Variants in PAK2 observed in about 807,000 individuals in gnomAD.
The protein encoded by PAK2 is p21 (RAC1) activated kinase 2, also known as serine/threonine-protein kinase PAK 2.
PAK2 carries 21 observed loss-of-function variants against 65.9 expected under a neutral mutation model. The observed-to-expected ratio is 0.32, with a 90% confidence interval of 0.23 to 0.46. The LOEUF (loss-of-function observed/expected upper bound fraction) is 0.46, where lower values mean the gene tolerates loss of function less well. PAK2 is among the 20% of genes least tolerant of loss of function. PAK2 has a pLI of 1.00. For missense variants in PAK2, 324 were observed against 642.6 expected (o/e 0.50, Z 5.36); for synonymous variants, 204 against 219.7 (o/e 0.93, Z 0.63).
intron 2 of PAK2, among the ~76,000 whole-genome samples, chr3:196,799,285 T>A (rs1163654273): frequency 6.6e-6 from 1 of 152,178 alleles, no homozygotes; most frequent in African/African-American, 2.4e-5. Flanking sequence ...AAAACTGCCA[T>A]TTGCAATAGT....
At chr3:196,743,020 A>G (rs374487228) in intron 1 of PAK2, among the ~76,000 whole-genome samples, 4 of 152,250 alleles carry the variant, frequency 2.6e-5, no homozygotes, top group African/African-American at 9.6e-5. Flanking sequence ...CAGACTAATC[A>G]GAGGGAGGGT....
intron 1 of PAK2, among the ~76,000 whole-genome samples, chr3:196,773,234 T>C (rs1360629221): frequency 6.6e-6 from 1 of 152,238 alleles, no homozygotes; most frequent in Non-Finnish European, 1.5e-5. Flanking sequence ...TGAACAGATT[T>C]AGAGAGAGGC....
rs1304836290 is a variant in PAK2, at chr3:196,745,989, T to C, written c.-22+5832T>C. Among the ~76,000 whole-genome samples the C allele has an allele frequency of 2.6e-5, 4 of 152,040 alleles. No homozygotes were observed. The East Asian group carries it at 7.7e-4, about 29-fold the overall frequency. On this transcript the variant is annotated intron_variant, in intron 1 of 14. Coordinates refer to ENST00000327134, the MANE Select transcript of PAK2 (RefSeq NM_002577.4). The stretch of plus-strand genomic sequence containing the variant: ...ATGGTTACAATATTTAACCTTTTTT[T>C]TTTTTCTTTTTCTTTCTTTTTTAAA...
chr3:196,742,080 C>G (rs1042519850), intron 1 of PAK2, among the ~76,000 whole-genome samples: 1 of 149,630 alleles, frequency 6.7e-6, no homozygotes, highest in Non-Finnish European at 1.5e-5. Context: ...CAAGTAGATG[C>G]GGTTAACAAT....
chr3:196,821,218 A>G (rs1007788904), intron 13 of PAK2, among the ~76,000 whole-genome samples: 5 of 152,098 alleles, frequency 3.3e-5, no homozygotes, highest in South Asian at 2.1e-4. Context: ...AACCTCAACA[A>G]TCAGAGGCTG....
At chr3:196,792,882 C>A (rs921421602) in intron 2 of PAK2, among the ~76,000 whole-genome samples, 9 of 152,118 alleles carry the variant, frequency 5.9e-5, no homozygotes, top group Admixed American at 5.9e-4. Context: ...GGCTTCAGTA[C>A]ACATTTGGAA....
At chr3:196,804,277 C>CT (rs1560110079) in intron 4 of PAK2, among the ~76,000 whole-genome samples, 1 of 152,066 alleles carries the variant, frequency 6.6e-6, no homozygotes, top group Non-Finnish European at 1.5e-5. Flanking sequence ...TGATCTTGAC[C>CT]TTTTTTTGTT....
At chr3:196,799,977 G>A (rs1396452266) in intron 2 of PAK2, among the ~76,000 whole-genome samples, 1 of 152,172 alleles carries the variant, frequency 6.6e-6, no homozygotes, top group Non-Finnish European at 1.5e-5. Flanking sequence ...CGTACCGAAC[G>A]GATGAAGACA....
At chr3:196,778,792 T>C (rs34041791) in intron 1 of PAK2, among the ~76,000 whole-genome samples, 21,017 of 152,122 alleles carry the variant, frequency 0.14, 1,672 homozygotes, top group Admixed American at 0.19. Context: ...CTTGACAGTT[T>C]GGAGGAATGT....
chr3:196,773,035 A>G (rs1030201192), intron 1 of PAK2, among the ~76,000 whole-genome samples: 12 of 152,334 alleles, frequency 7.9e-5, no homozygotes, highest in Non-Finnish European at 1.6e-4. Context: ...GGTTCCAGAT[A>G]CCACTCCGCT....
chr3:196,820,976 A>G lies in PAK2; in HGVS notation c.1350+409A>G, dbSNP rs1182571926. ...TACTTCAGCCTCCTGAGTAGCTGGG[A>G]CTATGGGTGCGTGCCACCACACCCA... On this transcript the variant is annotated intron_variant, in intron 13 of 14. Transcript: ENST00000327134. The surrounding 1 kb of genome is among the most constrained non-coding windows in gnomAD (Gnocchi z 4.6). 6.6e-6 allele frequency among the ~76,000 whole-genome samples: 1 copy of G among 152,014 alleles called. No individual in the cohort carries two copies. The highest frequency in any genetic ancestry group is 1.5e-5 in the Non-Finnish European group (1 of 68,006).
intron 6 of PAK2, among the ~76,000 whole-genome samples, chr3:196,807,569 C>G (rs1401163986): frequency 2.0e-5 from 3 of 152,116 alleles, no homozygotes; most frequent in Non-Finnish European, 4.4e-5. Flanking sequence ...GACAGCTTTT[C>G]AAATATATTC....
intron 1 of PAK2, among the ~76,000 whole-genome samples, chr3:196,740,829 C>T (rs563732078): frequency 9.2e-5 from 14 of 152,094 alleles, no homozygotes; most frequent in Admixed American, 2.6e-4. Context: ...ATTGGTTTTT[C>T]ACCATGTTTG....
intron 1 of PAK2, among the ~76,000 whole-genome samples, chr3:196,757,381 A>G (rs763027190): frequency 1.3e-5 from 2 of 152,234 alleles, no homozygotes; most frequent in Non-Finnish European, 2.9e-5. Context: ...TCTAGAACTC[A>G]CTGTATCCAA....
At chr3:196,805,574 C>T (rs1050373009) in intron 5 of PAK2, among the ~76,000 whole-genome samples, 191 bp downstream of exon 5, 1 of 152,110 alleles carries the variant, frequency 6.6e-6, no homozygotes, top group Non-Finnish European at 1.5e-5. Flanking sequence ...TGATGTGATA[C>T]TTAATGTAAC....
chr3:196,746,830 A>T (rs77211306), intron 1 of PAK2, among the ~76,000 whole-genome samples: 626 of 37,520 alleles, frequency 0.017, 5 homozygotes, highest in African/African-American at 0.066. Context: ...AAAAAAAAAA[A>T]GGATAGGCCT....
chr3:196,816,392 A>G (rs949709811), intron 11 of PAK2, among the ~76,000 whole-genome samples: 2 of 152,192 alleles, frequency 1.3e-5, no homozygotes, highest in South Asian at 2.1e-4. Context: ...GTCCTTAACA[A>G]TGCATGCTTG....
intron 2 of PAK2, among the ~76,000 whole-genome samples, chr3:196,784,595 A>T (rs1560103182): frequency 7.7e-6 from 1 of 129,214 alleles, no homozygotes; most frequent in Non-Finnish European, 1.6e-5. Context: ...CATGGTGTAT[A>T]TGTGCCACAT....
At chr3:196,785,836 C>T (rs1027925370) in intron 2 of PAK2, among the ~76,000 whole-genome samples, 7 of 152,072 alleles carry the variant, frequency 4.6e-5, no homozygotes, top group Admixed American at 1.3e-4. Flanking sequence ...GGAAACTCCC[C>T]CTTTTAAAAC....
Sources: allele counts gnomAD v4.1 joint callset (sites outside exome capture counted in the v4.1 genomes callset), GRCh38; gene constraint gnomAD v4.1.1; non-coding constraint Gnocchi (gnomAD v3.1); transcripts MANE v1.5; gene names NCBI Gene and HGNC (gene_info 2026-07-23, HGNC 2026-07-21).